GET4: variants seen among roughly 807,000 people sequenced by gnomAD.
GET4 encodes Golgi to ER traffic protein 4 homolog.
A neutral mutation model predicts 40.0 loss-of-function variants in GET4; 20 were observed. The observed-to-expected ratio is 0.50, with a 90% CI of 0.35 to 0.73. GET4 has a LOEUF of 0.73. Ranked by LOEUF, GET4 falls within the 30% of genes least tolerant of loss-of-function variation. GET4 has a pLI of 0.01. For synonymous variants in GET4, 280 were observed against 194.6 expected (o/e 1.44, Z -3.65); for missense variants, 557 against 454.0 (o/e 1.23, Z -2.06).
chr7:892,540 T>C, intron 6 of GET4, 122 bp downstream of exon 6: 1 of 1,027,072 alleles, frequency 9.7e-7, no homozygotes, highest in Non-Finnish European at 1.4e-6. Flanking sequence ...GCCGTGTGGG[T>C]ATATGCATAG....
At chr7:877,964 C>A in intron 1 of GET4, 1 of 199,754 alleles carries the variant, frequency 5.0e-6, no homozygotes. Flanking sequence ...CACCTCCCTG[C>A]CTCCCTCCTC....
At position 896,411 on chromosome 7, in the gene GET4, G is replaced by C. The variant is rs765742680; in HGVS notation, c.*989G>C. 1 of 152,174 alleles carries C rather than the reference G, an allele frequency of 6.6e-6. No homozygotes were observed. Among genetic ancestry groups the C allele is most frequent in the Non-Finnish European group, 1.5e-5 (1 of 68,030 alleles). 9.4% of individuals were successfully genotyped at this position (152,174 alleles called of 1,614,324 possible). ...CAGGAAGGCTTGTGTGAACCGTTGC[G>C]CATAAATAAACCCTTTCTACCGGGC... On this transcript the variant is annotated 3_prime_UTR_variant, in exon 9 of 9. Transcript: ENST00000265857.
At chr7:892,550 G>C in intron 6 of GET4, 132 bp downstream of exon 6, 1 of 886,018 alleles carries the variant, frequency 1.1e-6, no homozygotes, top group South Asian at 1.6e-5. Flanking sequence ...TATATGCATA[G>C]GGTATGAGTG....
At chr7:887,148 GC>G in intron 3 of GET4, 1 of 697,372 alleles carries the variant, frequency 1.4e-6, no homozygotes. Context: ...CCCCGCCTCG[GC>G]CAGGGCGTCC....
chr7:886,500 C>T, intron 2 of GET4, 69 bp from the exon 3 acceptor site: 1 of 1,173,308 alleles, frequency 8.5e-7, no homozygotes, highest in Non-Finnish European at 1.3e-6. Flanking sequence ...GGAAACCCAG[C>T]CTTGTCTTTG....
chr7:878,032 G>A, intron 1 of GET4: 1 of 252,880 alleles, frequency 4.0e-6, no homozygotes, highest in Non-Finnish European at 8.1e-6. Flanking sequence ...AGTCGCTGGC[G>A]TTCCTCTCAC....
At chr7:878,734 C>T (rs1265496883) in intron 1 of GET4, among the ~76,000 whole-genome samples, 1 of 152,056 alleles carries the variant, frequency 6.6e-6, no homozygotes, top group East Asian at 1.9e-4. Flanking sequence ...GCGCGCACCA[C>T]CACCCCCGGC....
rs1447821710 is a variant in GET4, at chr7:893,463, C to G, written c.747-277C>G. On this transcript the variant is annotated intron_variant, in intron 6 of 8. Transcript: ENST00000265857. ...CATGGTTGCAGGTGAGTGTTGGGCG[C>G]GGGCGCGGTGGTTTGTGCAGGTGAG... Among the ~76,000 whole-genome samples the G allele has an allele frequency of 2.9e-5, 3 of 102,664 alleles. No homozygotes were observed. The East Asian group carries it at 9.6e-4, about 33-fold the overall frequency. 67.4% of individuals were successfully genotyped at this position (102,664 alleles called of 152,430 possible). A position where few individuals can be genotyped will look rare whatever the true frequency, so the allele number is the denominator to read the frequency against.
intron 1 of GET4, among the ~76,000 whole-genome samples, 197 bp downstream of exon 1, chr7:876,997 C>T (rs1843968489): frequency 6.6e-6 from 1 of 151,868 alleles, no homozygotes; most frequent in Admixed American, 6.6e-5. Flanking sequence ...CCCGGCGCCC[C>T]CGTTCCCTCG....
At position 884,297 on chromosome 7, in the gene GET4, C is replaced by T. The variant is rs769162413; in HGVS notation, c.156-1759C>T. The T allele has an allele frequency of 3.5e-5, 46 of 1,304,100 alleles. No individual in the cohort carries two copies. In the Middle Eastern group the frequency reaches 8.5e-4, roughly 24 times the overall value. 80.8% of individuals were successfully genotyped at this position (1,304,100 alleles called of 1,614,324 possible). A position where few individuals can be genotyped will look rare whatever the true frequency, so the allele number is the denominator to read the frequency against. ...AGAGTGCCCTGTGCCAGACGGCTCC[C>T]GGCCTCCTCTGAGTCAGTCATGTCC... is the stretch of plus-strand genomic sequence containing the variant. On this transcript the variant is annotated intron_variant, in intron 1 of 8. Transcript: ENST00000265857.
At chr7:892,844 G>T (rs994637298) in intron 6 of GET4, among the ~76,000 whole-genome samples, 1 of 151,534 alleles carries the variant, frequency 6.6e-6, no homozygotes, top group Non-Finnish European at 1.5e-5. Flanking sequence ...TGCGTGTCTG[G>T]TGTGGGTAGT....
chr7:876,627 T>A lies in GET4; in HGVS notation c.-19T>A. On this transcript the variant is annotated 5_prime_UTR_variant, in exon 1 of 9. Transcript: ENST00000265857. Reference sequence around the variant, plus strand: ...ACCGCGCCTGCGACAGCGTCAGCCCTGCGCGGAGCGCCGGCCCGATGGCGG... The same window carrying A: ...ACCGCGCCTGCGACAGCGTCAGCCCAGCGCGGAGCGCCGGCCCGATGGCGG... The A allele has an allele frequency of 8.2e-7, 1 of 1,225,492 alleles. No individual in the cohort carries two copies. Among genetic ancestry groups the A allele is most frequent in the South Asian group, 2.9e-5 (1 of 34,530 alleles). 75.9% of individuals were successfully genotyped at this position (1,225,492 alleles called of 1,614,324 possible). A position where few individuals can be genotyped will look rare whatever the true frequency, so the allele number is the denominator to read the frequency against.
intron 1 of GET4, chr7:884,448 C>T: frequency 1.9e-6 from 2 of 1,043,316 alleles, no homozygotes. Context: ...AAACCGGAGG[C>T]CTGCCAACGG....
At chr7:879,390 A>T (rs1844038360) in intron 1 of GET4, among the ~76,000 whole-genome samples, 1 of 152,230 alleles carries the variant, frequency 6.6e-6, no homozygotes, top group Non-Finnish European at 1.5e-5. Flanking sequence ...TTGTGCCAGG[A>T]AATGAGAAAA....
At position 883,824 on chromosome 7, in the gene GET4, C is replaced by T. The variant is rs183956487; in HGVS notation, c.156-2232C>T. Reference sequence around the variant, plus strand: ...CCAGTACAGGAGGAGAAGCCGTCCACGTTCAGAGCCGCCTTAGACGGTTTG... The same window carrying T: ...CCAGTACAGGAGGAGAAGCCGTCCATGTTCAGAGCCGCCTTAGACGGTTTG... On this transcript the variant is annotated intron_variant, in intron 1 of 8. Transcript: ENST00000265857. The T allele has an allele frequency of 1.1e-5, 11 of 993,838 alleles. No individual in the cohort carries two copies. In the African/African-American group the frequency reaches 1.2e-4, roughly 11 times the overall value. 61.6% of individuals were successfully genotyped at this position (993,838 alleles called of 1,614,324 possible). A position where few individuals can be genotyped will look rare whatever the true frequency, so the allele number is the denominator to read the frequency against.
intron 4 of GET4, among the ~76,000 whole-genome samples, chr7:887,740 A>G (rs1036324752): frequency 1.3e-5 from 2 of 152,188 alleles, no homozygotes; most frequent in African/African-American, 4.8e-5. Context: ...CCGCCTCTCC[A>G]GGCCTTCCCG....
chr7:892,080 C>T (rs1233939630), intron 5 of GET4, among the ~76,000 whole-genome samples, 198 bp from the exon 6 acceptor site: 2 of 152,276 alleles, frequency 1.3e-5, no homozygotes, highest in Non-Finnish European at 2.9e-5. Flanking sequence ...TCATTCTCTT[C>T]ACCTGTGAAT....
chr7:893,359 G>A (rs1478615314), intron 6 of GET4, among the ~76,000 whole-genome samples: 4 of 129,994 alleles, frequency 3.1e-5, no homozygotes, highest in Admixed American at 7.7e-5. Flanking sequence ...GCAGGTGAGT[G>A]TTGGGTGTGG....
intron 1 of GET4, chr7:884,125 T>C: frequency 8.2e-7 from 1 of 1,224,704 alleles, no homozygotes; most frequent in Non-Finnish European, 1.1e-6. Context: ...ACCTCTTGCT[T>C]TACCTCAGAT....
Sources: allele counts gnomAD v4.1 joint callset (sites outside exome capture counted in the v4.1 genomes callset), GRCh38; gene constraint gnomAD v4.1.1; transcripts MANE v1.5; gene names NCBI Gene and HGNC (gene_info 2026-07-23, HGNC 2026-07-21).